SNTG1: variants seen among roughly 807,000 people sequenced by gnomAD.
The protein encoded by SNTG1 is syntrophin gamma 1.
Under a neutral mutation model 74.7 loss-of-function variants are expected in SNTG1, and 39 were observed. That is an observed-to-expected ratio of 0.52 (90% CI 0.40 to 0.68). The LOEUF (loss-of-function observed/expected upper bound fraction) is 0.68, where lower values mean the gene tolerates loss of function less well. Ranked by LOEUF, SNTG1 falls within the 30% of genes least tolerant of loss-of-function variation. SNTG1 has a pLI of 0.00. For synonymous variants in SNTG1, 254 were observed against 217.1 expected, an observed-to-expected ratio of 1.17 and a Z score of -1.49; for missense variants, 685 against 609.5, an observed-to-expected ratio of 1.12 and a Z score of -1.30.
intron 2 of SNTG1, among the ~76,000 whole-genome samples, chr8:50,227,013 A>T (rs2085361695): frequency 6.6e-6 from 1 of 152,234 alleles, no homozygotes; most frequent in Non-Finnish European, 1.5e-5. Context: ...TAATGGGTAA[A>T]GAATTTGGAT....
intron 17 of SNTG1, among the ~76,000 whole-genome samples, chr8:50,717,179 A>C (rs183200088): frequency 6.6e-6 from 1 of 152,128 alleles, no homozygotes; most frequent in African/African-American, 2.4e-5. Flanking sequence ...TACTTTTCAT[A>C]CCCTTAAATT....
intron 2 of SNTG1, among the ~76,000 whole-genome samples, chr8:50,330,498 T>C (rs1187569875): frequency 1.3e-5 from 2 of 152,218 alleles, no homozygotes; most frequent in African/African-American, 4.8e-5. Context: ...TCCTACCTTC[T>C]TCTCACCCTC....
intron 2 of SNTG1, among the ~76,000 whole-genome samples, chr8:50,257,529 G>T (rs2086944936): frequency 6.6e-6 from 1 of 152,172 alleles, no homozygotes; most frequent in African/African-American, 2.4e-5. Context: ...AAACAATGTA[G>T]ATTTGGTTGG....
chr8:50,680,927 T>C (rs2095328439), intron 15 of SNTG1, among the ~76,000 whole-genome samples: 1 of 152,158 alleles, frequency 6.6e-6, no homozygotes, highest in Admixed American at 6.5e-5. Flanking sequence ...TTCGCTACAG[T>C]AATGTGAAAA....
chr8:50,466,840 T>C (rs1248871636), intron 8 of SNTG1, among the ~76,000 whole-genome samples: 1 of 152,054 alleles, frequency 6.6e-6, no homozygotes, highest in African/African-American at 2.4e-5. Flanking sequence ...TTATTGTTGG[T>C]AAGTAGAAAG....
chr8:50,137,062 T>C (rs1297297793), intron 1 of SNTG1, among the ~76,000 whole-genome samples: 1 of 152,130 alleles, frequency 6.6e-6, no homozygotes, highest in Non-Finnish European at 1.5e-5. Flanking sequence ...AAATACCTGC[T>C]TCAGAATGAC....
chr8:50,260,845 A>G (rs190777475), intron 2 of SNTG1, among the ~76,000 whole-genome samples: 5 of 152,264 alleles, frequency 3.3e-5, no homozygotes, highest in African/African-American at 1.2e-4. Flanking sequence ...AATGAACATG[A>G]TTGAAGAAAG....
At chr8:50,461,859 G>A (rs1453016975) in intron 8 of SNTG1, among the ~76,000 whole-genome samples, 2 of 152,062 alleles carry the variant, frequency 1.3e-5, no homozygotes, top group African/African-American at 2.4e-5. Context: ...GCCTTTATTA[G>A]AGAATGGTAC....
chr8:49,978,914 A>C (rs1812422685), intron 1 of SNTG1, among the ~76,000 whole-genome samples: 1 of 152,206 alleles, frequency 6.6e-6, no homozygotes, highest in Non-Finnish European at 1.5e-5. Flanking sequence ...CCTAGACGTC[A>C]GTGTCACTAA....
intron 12 of SNTG1, chr8:50,575,595 A>G (rs1224200671): frequency 6.6e-6 from 1 of 152,322 alleles, no homozygotes; most frequent in African/African-American, 2.4e-5. Context: ...TTTGGGGTTT[A>G]AGGTTTGGAT....
intron 2 of SNTG1, among the ~76,000 whole-genome samples, chr8:50,305,900 AT>A (rs1330868538): frequency 2.6e-4 from 22 of 85,584 alleles, no homozygotes; most frequent in African/African-American, 5.9e-4. Flanking sequence ...TGTTATATTT[AT>A]TTAAAAAAAA....
chr8:50,616,357 G>A (rs556760146), intron 13 of SNTG1, among the ~76,000 whole-genome samples: 128 of 152,286 alleles, frequency 8.4e-4, no homozygotes, highest in African/African-American at 2.5e-3. Context: ...GCTCAGAGAA[G>A]GGACTTTATG....
chr8:50,660,287 AAGAAAGAAAG>A (rs919024134), intron 15 of SNTG1, among the ~76,000 whole-genome samples: 5 of 143,602 alleles, frequency 3.5e-5, no homozygotes, highest in African/African-American at 5.9e-5. Context: ...AGAAGGAAAG[AAGAAAGAAAG>A]AGAAAGAAAG....
At chr8:50,162,112 C>A (rs1359231453) in intron 1 of SNTG1, among the ~76,000 whole-genome samples, 2 of 152,086 alleles carry the variant, frequency 1.3e-5, no homozygotes. Context: ...ACTTGACTGC[C>A]ACTTGCTTGG....
At chr8:50,505,287 C>T (rs2093996813) in intron 9 of SNTG1, among the ~76,000 whole-genome samples, 1 of 152,146 alleles carries the variant, frequency 6.6e-6, no homozygotes. Flanking sequence ...AATAATGCTA[C>T]AATGAACATG....
intron 2 of SNTG1, among the ~76,000 whole-genome samples, chr8:50,393,181 G>T (rs2092685192): frequency 6.6e-6 from 1 of 152,044 alleles, no homozygotes; most frequent in African/African-American, 2.4e-5. Flanking sequence ...ATTATATGAT[G>T]CATTTGGTTA....
At chr8:50,279,071 T>G (rs2088284900) in intron 2 of SNTG1, among the ~76,000 whole-genome samples, 1 of 152,176 alleles carries the variant, frequency 6.6e-6, no homozygotes, top group Non-Finnish European at 1.5e-5. Flanking sequence ...ACATCTATTC[T>G]TTATGCAATC....
intron 2 of SNTG1, among the ~76,000 whole-genome samples, chr8:50,350,471 G>C (rs1024684203): frequency 2.6e-5 from 4 of 151,296 alleles, no homozygotes; most frequent in Non-Finnish European, 5.9e-5. Flanking sequence ...TTCAAAGTTT[G>C]CAAACACACC....
chr8:49,962,255 C>G (rs1810753453), intron 1 of SNTG1, among the ~76,000 whole-genome samples: 1 of 151,438 alleles, frequency 6.6e-6, no homozygotes, highest in Admixed American at 6.6e-5. Context: ...GCAGATGAGA[C>G]TAGCCCTGGG....
Sources: gnomAD v4.1 joint callset for allele counts (sites outside exome capture counted in the v4.1 genomes callset) on GRCh38, gnomAD v4.1.1 for gene constraint, MANE v1.5 for transcripts, NCBI Gene and HGNC (gene_info 2026-07-23, HGNC 2026-07-21) for gene names.